Variants in SCEL observed in about 807,000 individuals in gnomAD.
SCEL encodes sciellin.
In SCEL, 113 loss-of-function variants were observed where a neutral mutation model predicts 117.6. The ratio of observed to expected loss-of-function variants is 0.96; its 90% CI spans 0.83 to 1.12. The LOEUF (loss-of-function observed/expected upper bound fraction) is 1.12. SCEL is among the 50% of genes most tolerant of loss of function. SCEL has a pLI of 0.00. For missense variants in SCEL, 785 were observed against 810.8 expected (o/e 0.97, Z 0.39); for synonymous variants, 270 against 256.2 (o/e 1.05, Z -0.51).
At chr13:77,562,827 G>C (rs1374110808) in intron 4 of SCEL, among the ~76,000 whole-genome samples, 3 of 152,078 alleles carry the variant, frequency 2.0e-5, no homozygotes, top group Non-Finnish European at 4.4e-5. Context: ...CCAAATAGTT[G>C]CTTAATGAAA....
At chr13:77,571,746 ATTG>A (rs2085646923) in intron 8 of SCEL, among the ~76,000 whole-genome samples, 1 of 151,350 alleles carries the variant, frequency 6.6e-6, no homozygotes, top group African/African-American at 2.4e-5. Flanking sequence ...AGAGTATAAG[ATTG>A]TTATTTCTGT....
intron 19 of SCEL, among the ~76,000 whole-genome samples, chr13:77,605,606 A>G (rs1242490334): frequency 6.6e-6 from 1 of 152,238 alleles, no homozygotes; most frequent in East Asian, 1.9e-4. Flanking sequence ...AATTGTTGCA[A>G]CAATAAAGAT....
rs560939849 is a variant in SCEL, at chr13:77,595,422, C to A, written c.752+1849C>A. On this transcript the variant is annotated intron_variant, in intron 12 of 32. Coordinates refer to ENST00000349847, the MANE Select transcript of SCEL (RefSeq NM_144777.3). Reference sequence around the variant, plus strand: ...CAATGGTGAAACTTAATATCCAAAGCTTTCATCAATTTAAAGTCATTTTGA... The same window carrying A: ...CAATGGTGAAACTTAATATCCAAAGATTTCATCAATTTAAAGTCATTTTGA... 7.9e-5 allele frequency among the ~76,000 whole-genome samples: 12 copies of A among 152,326 alleles called. 1 individual carries two copies. Among genetic ancestry groups the A allele is most frequent in the African/African-American group, 2.9e-4 (12 of 41,580 alleles).
chr13:77,609,245 C>T, intron 21 of SCEL, 128 bp downstream of exon 21: 1 of 720,490 alleles, frequency 1.4e-6, no homozygotes, highest in Non-Finnish European at 2.2e-6. Context: ...AACCCTGCTA[C>T]CTCACATCTG....
In SCEL at chr13:77,640,720, T is replaced by A. The variant is rs759082044; in HGVS notation, c.1883T>A (p.Leu628Ter). The change falls in exon 31 of 33, where the codon TTG becomes TAG. Residue 628 changes from leucine to a stop codon, truncating the protein, a stop_gained. Coordinates refer to ENST00000349847, the MANE Select transcript of SCEL (RefSeq NM_144777.3). LOFTEE classifies it high-confidence loss of function. ...RDMCTYCRKPLGVETKMILDE... is the reference protein window; with the variant it reads ...RDMCTYCRKP ...ATGTGCACTTACTGCCGAAAACCCT[T>A]GGGTGTAGAAACTAAAATGATTTTA... 6.2e-7 allele frequency: 1 copy of A among 1,607,716 alleles called. No homozygotes were observed. The highest frequency in any genetic ancestry group is 1.1e-5 in the South Asian group (1 of 90,364).
At chr13:77,539,161 G>A (rs1404408470) in intron 1 of SCEL, among the ~76,000 whole-genome samples, 2 of 151,932 alleles carry the variant, frequency 1.3e-5, no homozygotes, top group African/African-American at 4.8e-5. Flanking sequence ...GTGGACAAAC[G>A]GTGACATGTA....
At chr13:77,538,614 A>G (rs1042046522) in intron 1 of SCEL, among the ~76,000 whole-genome samples, 1 of 152,202 alleles carries the variant, frequency 6.6e-6, no homozygotes, top group African/African-American at 2.4e-5. Flanking sequence ...TTTTAAGGAC[A>G]TGAGTCATCC....
At chr13:77,587,940 C>A (rs773979523) in intron 9 of SCEL, among the ~76,000 whole-genome samples, 8 of 152,108 alleles carry the variant, frequency 5.3e-5, no homozygotes, top group Non-Finnish European at 1.2e-4. Context: ...CTCCAGATAG[C>A]CTCATGGCTT....
intron 1 of SCEL, among the ~76,000 whole-genome samples, chr13:77,536,445 C>T (rs948565678): frequency 1.8e-4 from 27 of 152,108 alleles, no homozygotes; most frequent in African/African-American, 6.0e-4. Flanking sequence ...AATAAGGGTA[C>T]ATGGTTCCTC....
chr13:77,619,667 C>T (rs2089302102), intron 27 of SCEL, among the ~76,000 whole-genome samples: 1 of 152,306 alleles, frequency 6.6e-6, no homozygotes, highest in Non-Finnish European at 1.5e-5. Context: ...AGTGGACCCT[C>T]CTGCTGAGAA....
intron 2 of SCEL, 40 bp from the exon 3 acceptor site, chr13:77,556,556 C>T (rs774399523): frequency 1.9e-6 from 3 of 1,544,558 alleles, no homozygotes; most frequent in East Asian, 4.5e-5. Context: ...CTCAACTCCA[C>T]ACTATTACAT....
chr13:77,633,965 G>A (rs1180678415), intron 28 of SCEL, among the ~76,000 whole-genome samples: 1 of 152,138 alleles, frequency 6.6e-6, no homozygotes, highest in Non-Finnish European at 1.5e-5. Flanking sequence ...AGATCTAAAG[G>A]CTTCATTAAA....
intron 9 of SCEL, among the ~76,000 whole-genome samples, chr13:77,575,974 G>A (rs1315337724): frequency 2.0e-5 from 3 of 152,098 alleles, no homozygotes; most frequent in Non-Finnish European, 4.4e-5. Context: ...TCCTACCTCT[G>A]ATCAAATTCC....
chr13:77,544,941 C>G (rs1270628287), intron 1 of SCEL, among the ~76,000 whole-genome samples: 1 of 152,128 alleles, frequency 6.6e-6, no homozygotes, highest in African/African-American at 2.4e-5. Flanking sequence ...TGTTTGGCCA[C>G]AAAGAGGAAA....
intron 9 of SCEL, among the ~76,000 whole-genome samples, chr13:77,586,074 G>A (rs1245322569): frequency 1.3e-5 from 2 of 151,918 alleles, no homozygotes; most frequent in African/African-American, 2.4e-5. Context: ...CATCTTTGTT[G>A]GAGTCATCTG....
intron 22 of SCEL, among the ~76,000 whole-genome samples, chr13:77,612,456 CTTTTTTTTTTTTTTTTTT>C (rs71102764): frequency 3.2e-5 from 3 of 93,544 alleles, no homozygotes; most frequent in Admixed American, 1.3e-4. Flanking sequence ...TTTTTCTTTT[CTTTTTTTTTTTTTTTTTT>C]TTTTTTTTTT....
At chr13:77,634,241 T>C in intron 28 of SCEL, 138 bp from the exon 29 acceptor site, 2 of 762,384 alleles carry the variant, frequency 2.6e-6, no homozygotes, top group Non-Finnish European at 4.3e-6. Context: ...TTAATACCAC[T>C]CTAACATTCA....
chr13:77,619,905 G>C (rs1180534642), intron 27 of SCEL, among the ~76,000 whole-genome samples: 2 of 151,984 alleles, frequency 1.3e-5, no homozygotes, highest in Non-Finnish European at 2.9e-5. Context: ...TCTGACAATT[G>C]TGCTTTGTTG....
chr13:77,548,860 C>T (rs540354949), intron 1 of SCEL, among the ~76,000 whole-genome samples: 5 of 152,156 alleles, frequency 3.3e-5, no homozygotes, highest in African/African-American at 4.8e-5. Context: ...TCCAATTAAA[C>T]CTCTTTCCTT....
Sources: gnomAD v4.1 joint callset for allele counts (sites outside exome capture counted in the v4.1 genomes callset) on GRCh38, gnomAD v4.1.1 for gene constraint, MANE v1.5 for transcripts, NCBI Gene and HGNC (gene_info 2026-07-23, HGNC 2026-07-21) for gene names.